Variants in TMEM132D observed in about 807,000 individuals in gnomAD.
TMEM132D encodes the protein transmembrane protein 132D, also known as mature OL transmembrane protein.
Under a neutral mutation model 62.3 loss-of-function variants are expected in TMEM132D, and 21 were observed. The ratio of observed to expected loss-of-function variants is 0.34; its 90% CI spans 0.24 to 0.49. The LOEUF (loss-of-function observed/expected upper bound fraction) is 0.49. Ranked by LOEUF, TMEM132D falls within the 20% of genes least tolerant of loss-of-function variation. The pLI, the probability that TMEM132D is intolerant of heterozygous loss-of-function variation, is 0.99. For synonymous variants in TMEM132D, 621 were observed against 575.6 expected (o/e 1.08, Z -1.13); for missense variants, 1,346 against 1,402.8 (o/e 0.96, Z 0.65).
chr12:129,633,193 G>C (rs1040487036), intron 2 of TMEM132D, among the ~76,000 whole-genome samples: 1 of 152,150 alleles, frequency 6.6e-6, no homozygotes, highest in Admixed American at 6.5e-5. Flanking sequence ...GATATGGTTG[G>C]CTTTCCTCTG....
intron 3 of TMEM132D, among the ~76,000 whole-genome samples, chr12:129,450,868 G>A (rs935363855): frequency 1.4e-4 from 20 of 145,262 alleles, no homozygotes; most frequent in Admixed American, 1.2e-3. Flanking sequence ...GCAATTCTCT[G>A]CCTCAGCCTC....
At chr12:129,255,666 C>T (rs145679986) in intron 4 of TMEM132D, among the ~76,000 whole-genome samples, 2 of 152,276 alleles carry the variant, frequency 1.3e-5, no homozygotes, top group African/African-American at 2.4e-5. Context: ...TCAACCTTCA[C>T]CTGTCCCTCA....
chr12:129,289,556 A>G (rs1205516887), intron 4 of TMEM132D, among the ~76,000 whole-genome samples: 2 of 148,652 alleles, frequency 1.3e-5, no homozygotes, highest in Admixed American at 6.8e-5. Context: ...ATAAAAAAAA[A>G]AAAAAAAAGA....
intron 2 of TMEM132D, among the ~76,000 whole-genome samples, chr12:129,632,305 G>A (rs1276448596): frequency 6.6e-6 from 1 of 152,172 alleles, no homozygotes. Context: ...CCTACGGCTT[G>A]CTTAGTTGGA....
chr12:129,464,960 T>C (rs1394264891), intron 3 of TMEM132D, among the ~76,000 whole-genome samples: 2 of 129,060 alleles, frequency 1.5e-5, no homozygotes, highest in Non-Finnish European at 3.3e-5. Context: ...TGCGGGCTCT[T>C]TTTTGGTTCC....
intron 3 of TMEM132D, among the ~76,000 whole-genome samples, chr12:129,457,915 C>A (rs192554200): frequency 6.6e-6 from 1 of 152,152 alleles, no homozygotes; most frequent in South Asian, 2.1e-4. Flanking sequence ...GGTGGGGACA[C>A]GGATCCAAAC....
intron 2 of TMEM132D, among the ~76,000 whole-genome samples, chr12:129,603,450 A>T (rs1878534822): frequency 6.6e-6 from 1 of 152,082 alleles, no homozygotes; most frequent in Non-Finnish European, 1.5e-5. Context: ...TTCTTTTGTA[A>T]GTTTTCCTCC....
At chr12:129,109,652 G>T (rs1272364157) in intron 5 of TMEM132D, 1 of 159,018 alleles carries the variant, frequency 6.3e-6, no homozygotes, top group East Asian at 1.8e-4. Flanking sequence ...GGTTTATCCG[G>T]TGTTTCTGCT....
chr12:129,667,168 G>C (rs989495465), intron 2 of TMEM132D, among the ~76,000 whole-genome samples: 2 of 152,168 alleles, frequency 1.3e-5, no homozygotes, highest in African/African-American at 4.8e-5. Flanking sequence ...CTGTTTGATG[G>C]AAAATTGTAA....
intron 1 of TMEM132D, among the ~76,000 whole-genome samples, chr12:129,709,318 T>C (rs1320474982): frequency 6.6e-6 from 1 of 152,190 alleles, no homozygotes; most frequent in Non-Finnish European, 1.5e-5. Context: ...TTTATAAGAA[T>C]GTTGAGTGCA....
At chr12:129,208,455 G>C (rs533818134) in intron 5 of TMEM132D, 2 of 152,692 alleles carry the variant, frequency 1.3e-5, no homozygotes, top group South Asian at 2.1e-4. Flanking sequence ...AAACCCATAA[G>C]GATGGACGTC....
In TMEM132D at chr12:129,150,439, ATAAC is replaced by A. The variant is rs374990498; in HGVS notation, c.1443+59077_1443+59080del. Among the ~76,000 whole-genome samples, 107 of 152,370 alleles carry A rather than the reference ATAAC, an allele frequency of 7.0e-4. No individual in the cohort carries two copies. The South Asian group carries it at 8.3e-3, about 12-fold the overall frequency. ...TGTGTTTTTATTACTTTTCATAAAA[ATAAC>A]TAAGTATGTTATAATGATTTATGGT... On this transcript the variant is annotated intron_variant, in intron 5 of 8. Coordinates refer to ENST00000422113, the MANE Select transcript of TMEM132D (RefSeq NM_133448.3).
At chr12:129,542,730 C>T (rs932686390) in intron 2 of TMEM132D, among the ~76,000 whole-genome samples, 4 of 152,238 alleles carry the variant, frequency 2.6e-5, no homozygotes, top group African/African-American at 7.2e-5. Flanking sequence ...CACGCATATA[C>T]GTACATGCAC....
At chr12:129,697,845 A>G (rs981865777) in intron 2 of TMEM132D, among the ~76,000 whole-genome samples, 5 of 152,166 alleles carry the variant, frequency 3.3e-5, no homozygotes, top group Non-Finnish European at 7.3e-5. Context: ...TTAGTGTGTC[A>G]TAAAGTCATG....
At chr12:129,585,516 C>G (rs1878000859) in intron 2 of TMEM132D, among the ~76,000 whole-genome samples, 1 of 152,212 alleles carries the variant, frequency 6.6e-6, no homozygotes, top group East Asian at 1.9e-4. Flanking sequence ...TTAACCGTAA[C>G]TGAGGCACTT....
chr12:129,407,834 G>C (rs1302322525), intron 3 of TMEM132D, among the ~76,000 whole-genome samples: 1 of 149,914 alleles, frequency 6.7e-6, no homozygotes, highest in Non-Finnish European at 1.5e-5. Flanking sequence ...CCCGGGAGGC[G>C]AGCCGGGATC....
chr12:129,792,534 C>A (rs1354748533), intron 1 of TMEM132D, among the ~76,000 whole-genome samples: 1 of 152,172 alleles, frequency 6.6e-6, no homozygotes, highest in Admixed American at 6.5e-5. Flanking sequence ...CTGTGAGGCA[C>A]CAGGCGCTGT....
At chr12:129,589,428 T>A (rs71466407) in intron 2 of TMEM132D, among the ~76,000 whole-genome samples, 11,930 of 152,208 alleles carry the variant, frequency 0.078, 614 homozygotes, top group East Asian at 0.19. Context: ...ATCAGCAGCA[T>A]GAAAACAGAC....
intron 5 of TMEM132D, among the ~76,000 whole-genome samples, chr12:129,120,217 C>G (rs532097686): frequency 1.2e-4 from 19 of 152,224 alleles, no homozygotes; most frequent in African/African-American, 4.6e-4. Flanking sequence ...TAAGAAGCCA[C>G]TACACCTACA....
Sources: gnomAD v4.1 joint callset for allele counts (sites outside exome capture counted in the v4.1 genomes callset) on GRCh38, gnomAD v4.1.1 for gene constraint, MANE v1.5 for transcripts, NCBI Gene and HGNC (gene_info 2026-07-23, HGNC 2026-07-21) for gene names.